ADAM22: variants seen among roughly 807,000 people sequenced by gnomAD.
ADAM22 encodes ADAM metallopeptidase domain 22, also known as disintegrin and metalloproteinase domain-containing protein 22.
In ADAM22, 65 loss-of-function variants were observed where a neutral mutation model predicts 144.6. The observed-to-expected ratio is 0.45, with a 90% confidence interval of 0.37 to 0.55. The LOEUF (loss-of-function observed/expected upper bound fraction) is 0.55, where lower values mean the gene tolerates loss of function less well. ADAM22 is among the 20% of genes least tolerant of loss of function. The pLI, the probability that ADAM22 is intolerant of heterozygous loss-of-function variation, is 0.00. For missense variants in ADAM22, 974 were observed against 1,184.9 expected (o/e 0.82, Z 2.61); for synonymous variants, 391 against 412.6 (o/e 0.95, Z 0.63).
intron 3 of ADAM22, among the ~76,000 whole-genome samples, chr7:88,074,441 A>G (rs1351144224): frequency 6.6e-6 from 1 of 152,216 alleles, no homozygotes; most frequent in East Asian, 1.9e-4. Context: ...TTTTATAAAC[A>G]TCAAATTTAT....
rs890551243 is a variant in ADAM22 at position 87,964,926 on chromosome 7, A to G, written c.247-13410A>G. ...TTGCTATTTTCTAACCTATGTGTGC[A>G]TTGCAAGACTACATGGTTTTAAGAC... On this transcript the variant is annotated intron_variant, in intron 2 of 31. Transcript: ENST00000413139. 3.3e-5 allele frequency among the ~76,000 whole-genome samples: 5 copies of G among 152,192 alleles called. No homozygotes were observed. The East Asian group carries it at 7.7e-4, about 23-fold the overall frequency.
intron 2 of ADAM22, among the ~76,000 whole-genome samples, chr7:87,955,166 C>T (rs936570125): frequency 1.3e-4 from 20 of 152,300 alleles, no homozygotes; most frequent in East Asian, 5.8e-4. Flanking sequence ...AGCTTTGTTC[C>T]GTTGCTGGTG....
rs1035642395 is a variant in ADAM22, at chr7:88,134,219, A to G, written c.1078-110A>G. 3.6e-5 allele frequency: 28 copies of G among 779,306 alleles called. No homozygotes were observed. The Middle Eastern group carries it at 1.5e-3, about 43-fold the overall frequency. The allele number at this position is 779,306 out of a possible 1,614,324, so 48.3% of individuals were successfully genotyped here. A position where few individuals can be genotyped will look rare whatever the true frequency, so the allele number is the denominator to read the frequency against. ...ACAGTGTGTTCAGCCTCTTCTAAAGAAATTGCTTAGAAATTACTTATTTTC... is the reference window on the plus strand; with the variant it reads ...ACAGTGTGTTCAGCCTCTTCTAAAGGAATTGCTTAGAAATTACTTATTTTC... On this transcript the variant is annotated intron_variant, in intron 12 of 31. Transcript: ENST00000413139.
Position 88,131,672 on chromosome 7 carries a change from G to C in ADAM22, c.992+237G>C. Reference sequence around the variant, plus strand: ...TTTAATTTTTCAAGATATTTAAATAGAGCATTTACTGAGTAAAAATACTGC... The same window carrying C: ...TTTAATTTTTCAAGATATTTAAATACAGCATTTACTGAGTAAAAATACTGC... On this transcript the variant is annotated intron_variant, in intron 11 of 31. Transcript: ENST00000413139. 2.1e-5 allele frequency: 11 copies of C among 530,920 alleles called. No homozygotes were observed. In the South Asian group the frequency reaches 3.2e-4, roughly 15 times the overall value. 32.9% of individuals were successfully genotyped at this position (530,920 alleles called of 1,614,324 possible). A position where few individuals can be genotyped will look rare whatever the true frequency, so the allele number is the denominator to read the frequency against.
intron 4 of ADAM22, among the ~76,000 whole-genome samples, chr7:88,088,653 TG>T (rs1183464248): frequency 1.3e-5 from 2 of 152,174 alleles, no homozygotes; most frequent in African/African-American, 4.8e-5. Flanking sequence ...GAAAATTTCT[TG>T]CGATCTCAAA....
chr7:88,013,303 T>C (rs1795858589), intron 3 of ADAM22, among the ~76,000 whole-genome samples: 1 of 152,254 alleles, frequency 6.6e-6, no homozygotes, highest in Non-Finnish European at 1.5e-5. Context: ...CATTGATTTT[T>C]AGTTTGCTCA....
intron 26 of ADAM22, among the ~76,000 whole-genome samples, chr7:88,178,456 G>A (rs916859614): frequency 1.3e-5 from 2 of 152,064 alleles, no homozygotes; most frequent in Non-Finnish European, 2.9e-5. Context: ...TGAAATTCTA[G>A]AATAGTTTAA....
rs71120012 is a variant in ADAM22 at position 87,966,721 on chromosome 7, G to GTTTTTTTTTTTTTTTTTTTTTT, written c.247-11605_247-11584dup. On this transcript the variant is annotated intron_variant, in intron 2 of 31. Coordinates refer to ENST00000413139, the MANE Select transcript of ADAM22 (RefSeq NM_001324418.2). ...GAGTTCATCTTATCCAAGGAAAGCC[G>GTTTTTTTTTTTTTTTTTTTTTT]TTTTTTTTTTTTTTTTTTTTTTTTT... 2.0e-4 allele frequency among the ~76,000 whole-genome samples: 8 copies of GTTTTTTTTTTTTTTTTTTTTTT among 39,886 alleles called. 3 individuals carry two copies. The highest frequency in any genetic ancestry group is 9.2e-4 in the African/African-American group (8 of 8,722). 26.2% of individuals were successfully genotyped at this position (39,886 alleles called of 152,430 possible).
At chr7:88,087,461 G>C (rs935042418) in intron 4 of ADAM22, among the ~76,000 whole-genome samples, 1 of 152,130 alleles carries the variant, frequency 6.6e-6, no homozygotes, top group Non-Finnish European at 1.5e-5. Context: ...TTGAATGAAC[G>C]TATGAGGAAA....
chr7:87,986,380 G>A (rs879611973), intron 3 of ADAM22, among the ~76,000 whole-genome samples: 12 of 152,172 alleles, frequency 7.9e-5, no homozygotes, highest in Non-Finnish European at 1.5e-4. Flanking sequence ...CCAGAGCAAA[G>A]GGGAACTGTA....
At chr7:88,103,582 A>G (rs1162807665) in intron 4 of ADAM22, among the ~76,000 whole-genome samples, 1 of 152,122 alleles carries the variant, frequency 6.6e-6, no homozygotes, top group Non-Finnish European at 1.5e-5. Context: ...TTATTAGATC[A>G]AGGAGTATGA....
chr7:88,022,864 T>C (rs945376691), intron 3 of ADAM22, among the ~76,000 whole-genome samples: 4 of 152,232 alleles, frequency 2.6e-5, no homozygotes, highest in Middle Eastern at 6.3e-3. Context: ...TAAATGATAT[T>C]GTAGCAGCAT....
At chr7:88,117,193 T>C (rs889447595) in intron 7 of ADAM22, among the ~76,000 whole-genome samples, 2 of 152,214 alleles carry the variant, frequency 1.3e-5, no homozygotes, top group African/African-American at 4.8e-5. Context: ...TCTTTTTTGC[T>C]CTAGCATTTT....
intron 28 of ADAM22, 112 bp from the exon 29 acceptor site, chr7:88,181,846 G>A: frequency 1.0e-6 from 1 of 976,022 alleles, no homozygotes; most frequent in Non-Finnish European, 1.6e-6. Flanking sequence ...GACAAACCCG[G>A]TGTTCCACAG....
chr7:87,969,188 T>C (rs1849848673), intron 2 of ADAM22, among the ~76,000 whole-genome samples: 1 of 152,166 alleles, frequency 6.6e-6, no homozygotes, highest in Non-Finnish European at 1.5e-5. Context: ...AGTTTAGAAG[T>C]TCTTTGATGT....
In ADAM22 at chr7:88,198,948, T is replaced by C. The variant is rs1850941757; in HGVS notation, c.*2457T>C. ...TTTGAGGTATACAGTAACTTTAATG[T>C]TCTATTCTTGGAATCTACTCTATCT... On this transcript the variant is annotated 3_prime_UTR_variant, in exon 32 of 32. Coordinates refer to ENST00000413139, the MANE Select transcript of ADAM22 (RefSeq NM_001324418.2). The C allele has an allele frequency of 6.6e-6, 1 of 152,220 alleles. No homozygotes were observed. The highest frequency in any genetic ancestry group is 6.5e-5 in the Admixed American group (1 of 15,284). The allele number at this position is 152,220 out of a possible 1,614,324, so 9.4% of individuals were successfully genotyped here.
intron 3 of ADAM22, among the ~76,000 whole-genome samples, chr7:87,994,499 G>C (rs1790660488): frequency 6.6e-6 from 1 of 152,146 alleles, no homozygotes; most frequent in Non-Finnish European, 1.5e-5. Flanking sequence ...TGACTATGCA[G>C]ATCTGATAGC....
Position 88,146,713 on chromosome 7 carries a change from C to G in ADAM22, c.1485+1206C>G, listed in dbSNP as rs987512364. On this transcript the variant is annotated intron_variant, in intron 17 of 31. Coordinates refer to ENST00000413139, the MANE Select transcript of ADAM22 (RefSeq NM_001324418.2). ...CTTGATTTTTACAGTTAAGCAAACTCAGTCTCAAGGAAGTTAAATAACCTC... is the reference window on the plus strand; with the variant it reads ...CTTGATTTTTACAGTTAAGCAAACTGAGTCTCAAGGAAGTTAAATAACCTC... Among the ~76,000 whole-genome samples, 8 of 152,292 alleles carry G rather than the reference C, an allele frequency of 5.3e-5. No individual in the cohort carries two copies. In the South Asian group the frequency reaches 1.7e-3, roughly 32 times the overall value.
intron 3 of ADAM22, among the ~76,000 whole-genome samples, chr7:87,984,900 C>T (rs1276956987): frequency 2.0e-5 from 3 of 151,972 alleles, no homozygotes; most frequent in Non-Finnish European, 2.9e-5. Context: ...AGGCTGGTTT[C>T]GAGCTCAAGT....
Sources: gnomAD v4.1 joint callset for allele counts (sites outside exome capture counted in the v4.1 genomes callset) on GRCh38, gnomAD v4.1.1 for gene constraint, MANE v1.5 for transcripts, NCBI Gene and HGNC (gene_info 2026-07-23, HGNC 2026-07-21) for gene names.